GDI2: variants seen among roughly 807,000 people sequenced by gnomAD.
GDI2 encodes rab GDP dissociation inhibitor beta.
In GDI2, 22 loss-of-function variants were observed where a neutral mutation model predicts 54.2. That is an observed-to-expected ratio of 0.41 (90% CI 0.29 to 0.58). The LOEUF is 0.58. Ranked by LOEUF, GDI2 falls within the 20% of genes least tolerant of loss-of-function variation. GDI2 has a pLI of 0.35. For synonymous variants in GDI2, 177 were observed against 182.1 expected (o/e 0.97, Z 0.23); for missense variants, 422 against 546.0 (o/e 0.77, Z 2.26).
chr10:5,811,952 G>A, intron 1 of GDI2: 2 of 914,374 alleles, frequency 2.2e-6, no homozygotes, highest in Non-Finnish European at 2.9e-6. Flanking sequence ...ATTTTGGGAT[G>A]TTACCTGTAA....
chr10:5,799,667 G>T (rs1841224305), intron 2 of GDI2, among the ~76,000 whole-genome samples: 3 of 152,118 alleles, frequency 2.0e-5, no homozygotes, highest in Admixed American at 1.3e-4. Flanking sequence ...AAATAAATAA[G>T]AGAATAAAGA....
intron 8 of GDI2, among the ~76,000 whole-genome samples, chr10:5,767,568 T>A (rs76098518): frequency 6.6e-6 from 1 of 152,056 alleles, no homozygotes; most frequent in African/African-American, 2.4e-5. Flanking sequence ...CAAGCAAGCC[T>A]CCTGCCTTGG....
intron 6 of GDI2, among the ~76,000 whole-genome samples, chr10:5,778,123 C>T (rs1307088427): frequency 1.3e-5 from 2 of 151,996 alleles, no homozygotes; most frequent in Non-Finnish European, 2.9e-5. Flanking sequence ...CATCACACAC[C>T]GGGGCCTGTC....
chr10:5,773,809 A>G (rs376115445), intron 7 of GDI2, 33 bp downstream of exon 7: 1 of 887,706 alleles, frequency 1.1e-6, no homozygotes, highest in Non-Finnish European at 1.9e-6. Flanking sequence ...TCACAAGAAC[A>G]TAGTAATTTT....
In GDI2 at chr10:5,785,899, G is replaced by A. The variant is rs770089565; in HGVS notation, c.540C>T (p.Asp180=). 1.2e-5 allele frequency: 19 copies of A among 1,611,622 alleles called. No individual in the cohort carries two copies. The highest frequency in any genetic ancestry group is 1.1e-4 in the South Asian group (10 of 91,032). Residue 180 remains aspartate, a synonymous_variant, in exon 5 of 11, where the codon GAC becomes GAT. Coordinates refer to ENST00000380191, the MANE Select transcript of GDI2 (RefSeq NM_001494.4). ...DVYKKFDLGQ[D]VIDFTGHALA... is the part of the protein sequence containing the mutation. ...GAGCATGACCAGTAAAATCTATAAC[G>A]TCTTGACCCAAATCAAATTTCTTAT...
chr10:5,773,158 C>T (rs751264197), intron 7 of GDI2, among the ~76,000 whole-genome samples: 1 of 152,082 alleles, frequency 6.6e-6, no homozygotes, highest in Non-Finnish European at 1.5e-5. Context: ...AAGATGCCCC[C>T]CACCCCACCA....
rs1327968218 is a variant in GDI2 at position 5,776,491 on chromosome 10, G to GA, written c.720-2551dup. On this transcript the variant is annotated intron_variant, in intron 6 of 10. Coordinates refer to ENST00000380191, the MANE Select transcript of GDI2 (RefSeq NM_001494.4). The surrounding 1 kb of genome is among the most constrained non-coding windows in gnomAD (Gnocchi z 5.3). ...AGTGAGCCAGCAGAGCCATGTATTA[G>GA]AAGCAAAGGCCCGAAAGATAAAACA... 1 of 1,176,340 alleles carries GA rather than the reference G, an allele frequency of 8.5e-7. No individual in the cohort carries two copies. The highest frequency in any genetic ancestry group is 1.5e-5 in the African/African-American group (1 of 66,332). 72.9% of individuals were successfully genotyped at this position (1,176,340 alleles called of 1,614,324 possible). A position where few individuals can be genotyped will look rare whatever the true frequency, so the allele number is the denominator to read the frequency against.
rs990275822 is a variant in GDI2, at chr10:5,776,771, C to T, written c.720-2830G>A. The T allele has an allele frequency of 5.8e-6, 9 of 1,541,340 alleles. No homozygotes were observed. In the African/African-American group the frequency reaches 1.2e-4, roughly 21 times the overall value. ...AAATACCAGGAAAGCCAAGGACATT[C>T]CAATCCCCAATCTTCCTCCCTTGGA... On this transcript the variant is annotated intron_variant, in intron 6 of 10. Transcript: ENST00000380191. The surrounding 1 kb of genome is among the most constrained non-coding windows in gnomAD (Gnocchi z 5.3).
At chr10:5,788,209 A>T (rs1840920913) in intron 4 of GDI2, among the ~76,000 whole-genome samples, 1 of 151,838 alleles carries the variant, frequency 6.6e-6, no homozygotes, top group Non-Finnish European at 1.5e-5. Flanking sequence ...TTTTCCATAG[A>T]AACAAGGTCT....
In GDI2 at chr10:5,765,530, C is replaced by T. The variant is rs928589293; in HGVS notation, c.*476G>A. ...AACTTGTGGCTATGCTATTTGGGCC[C>T]TGCCATAACATTTGACATAATACAA... On this transcript the variant is annotated 3_prime_UTR_variant, in exon 11 of 11. Transcript: ENST00000380191. The T allele has an allele frequency of 6.6e-6, 1 of 152,432 alleles. No homozygotes were observed. The highest frequency in any genetic ancestry group is 1.5e-5 in the Non-Finnish European group (1 of 68,220). 9.4% of individuals were successfully genotyped at this position (152,432 alleles called of 1,614,324 possible). A position where few individuals can be genotyped will look rare whatever the true frequency, so the allele number is the denominator to read the frequency against.
chr10:5,804,832 C>CTTT (rs35051449), intron 1 of GDI2, among the ~76,000 whole-genome samples: 3 of 142,602 alleles, frequency 2.1e-5, no homozygotes, highest in South Asian at 2.2e-4. Context: ...CTATCTGGAG[C>CTTT]TTTTTTTTTT....
At chr10:5,798,048 G>A (rs989565883) in intron 2 of GDI2, among the ~76,000 whole-genome samples, 1 of 152,124 alleles carries the variant, frequency 6.6e-6, no homozygotes, top group African/African-American at 2.4e-5. Flanking sequence ...ATTTTGGTGA[G>A]TCTAGACACA....
intron 6 of GDI2, among the ~76,000 whole-genome samples, chr10:5,782,950 T>C (rs1377771005): frequency 6.6e-6 from 1 of 152,152 alleles, no homozygotes; most frequent in African/African-American, 2.4e-5. Context: ...AAAGAATTAC[T>C]GACACATGCA....
chr10:5,813,315 A>T lies in GDI2; in HGVS notation c.-57T>A, dbSNP rs945531506. 8 of 1,315,056 alleles carry T rather than the reference A, an allele frequency of 6.1e-6. No homozygotes were observed. The highest frequency in any genetic ancestry group is 8.6e-6 in the Non-Finnish European group (8 of 933,912). The allele number at this position is 1,315,056 out of a possible 1,614,324, so 81.5% of individuals were successfully genotyped here. A position where few individuals can be genotyped will look rare whatever the true frequency, so the allele number is the denominator to read the frequency against. ...AAGGAAAAGGCGCAGGGGCTCCGTG[A>T]CCACCCTACGAGGCTGGGAGGCGCT... On this transcript the variant is annotated 5_prime_UTR_variant, in exon 1 of 11. Coordinates refer to ENST00000380191, the MANE Select transcript of GDI2 (RefSeq NM_001494.4).
intron 4 of GDI2, among the ~76,000 whole-genome samples, chr10:5,787,248 T>G (rs897790139): frequency 6.6e-6 from 1 of 152,254 alleles, no homozygotes; most frequent in South Asian, 2.1e-4. Flanking sequence ...CTCACGCCTA[T>G]AATCCCAGCA....
rs34913780 is a variant in GDI2, at chr10:5,781,625, C to CAAA, written c.719+3514_719+3516dup. Among the ~76,000 whole-genome samples the CAAA allele has an allele frequency of 6.9e-4, 67 of 97,146 alleles. 1 individual carries two copies. Among genetic ancestry groups the CAAA allele is most frequent in the African/African-American group, 2.4e-3 (57 of 23,366 alleles). The allele number at this position is 97,146 out of a possible 152,430, so 63.7% of individuals were successfully genotyped here. On this transcript the variant is annotated intron_variant, in intron 6 of 10. Coordinates refer to ENST00000380191, the MANE Select transcript of GDI2 (RefSeq NM_001494.4). ...GGGCAAAACACCCAGACTCTGTCTC[C>CAAA]AAAAAAAAAAAAAAAAAAGACTTCT...
chr10:5,774,932 T>C lies in GDI2; in HGVS notation c.720-991A>G, dbSNP rs781298271. ...GGCAAGGGCAAGGCCAAGGGAAGGGTTGACCAGTAATAGCTATATTAGTCT... is the reference window on the plus strand; with the variant it reads ...GGCAAGGGCAAGGCCAAGGGAAGGGCTGACCAGTAATAGCTATATTAGTCT... On this transcript the variant is annotated intron_variant, in intron 6 of 10. Coordinates refer to ENST00000380191, the MANE Select transcript of GDI2 (RefSeq NM_001494.4). The surrounding 1 kb of genome is among the most constrained non-coding windows in gnomAD (Gnocchi z 4.8). Among the ~76,000 whole-genome samples the C allele has an allele frequency of 6.7e-6, 1 of 148,290 alleles. No homozygotes were observed. The highest frequency in any genetic ancestry group is 2.0e-4 in the East Asian group (1 of 4,964).
intron 2 of GDI2, among the ~76,000 whole-genome samples, chr10:5,798,588 CAAAA>C (rs534853983): frequency 1.0e-5 from 1 of 95,264 alleles, no homozygotes. Context: ...GACTCCATCT[CAAAA>C]AAAAAAAAAA....
At chr10:5,794,180 A>AT in intron 4 of GDI2, among the ~76,000 whole-genome samples, 1 of 46,100 alleles carries the variant, frequency 2.2e-5, no homozygotes, top group Non-Finnish European at 4.3e-5. Flanking sequence ...AAGAAAAAAA[A>AT]AAAAAAAAAT....
Sources: gnomAD v4.1 joint callset for allele counts (sites outside exome capture counted in the v4.1 genomes callset) on GRCh38, gnomAD v4.1.1 for gene constraint, Gnocchi (gnomAD v3.1) non-coding constraint, MANE v1.5 for transcripts, NCBI Gene and HGNC (gene_info 2026-07-23, HGNC 2026-07-21) for gene names.